The following EXOC3L2 variants were observed in gnomAD, a reference collection of about 807,000 sequenced individuals.
EXOC3L2 encodes exocyst complex component 3 like 2.
A neutral mutation model predicts 44.4 loss-of-function variants in EXOC3L2; 17 were observed. The observed-to-expected ratio is 0.38, with a 90% CI of 0.26 to 0.57. The LOEUF (loss-of-function observed/expected upper bound fraction) is 0.57, where lower values mean the gene tolerates loss of function less well. Among genes scored for constraint, EXOC3L2 ranks in the 20% least tolerant of loss-of-function variants. The pLI, the probability that EXOC3L2 is intolerant of heterozygous loss-of-function variation, is 0.65. For synonymous variants in EXOC3L2, 256 were observed against 253.7 expected, an observed-to-expected ratio of 1.01 and a Z score of -0.09; for missense variants, 541 against 588.4, an observed-to-expected ratio of 0.92 and a Z score of 0.83.
At chr19:45,225,108 G>A (rs949316321) in intron 7 of EXOC3L2, among the ~76,000 whole-genome samples, 195 bp from the exon 8 acceptor site, 4 of 151,164 alleles carry the variant, frequency 2.6e-5, no homozygotes, top group Non-Finnish European at 5.9e-5. Flanking sequence ...GGGGTGTCTG[G>A]GGACGTCAGG....
intron 7 of EXOC3L2, among the ~76,000 whole-genome samples, chr19:45,226,765 T>TTTTTTA (rs1969966335): frequency 7.1e-6 from 1 of 139,978 alleles, no homozygotes; most frequent in African/African-American, 2.8e-5. Context: ...TTTTTTTTTT[T>TTTTTTA]TTTTTGAGAC....
rs1204520736 is a variant in EXOC3L2 at position 45,238,466 on chromosome 19, G to A, written c.523+57C>T. On this transcript the variant is annotated intron_variant, in intron 2 of 11. Transcript: ENST00000413988. This position sits in a 1 kb window ranked among gnomAD's most constrained non-coding sequence, Gnocchi z 5.5. ...TATGAAGCCTGGGACCACCAGGGCTGGGGATGGACATGGGCACTGGGATTC... is the reference window on the plus strand; with the variant it reads ...TATGAAGCCTGGGACCACCAGGGCTAGGGATGGACATGGGCACTGGGATTC... 6 of 399,430 alleles carry A rather than the reference G, an allele frequency of 1.5e-5. No homozygotes were observed. Among genetic ancestry groups the A allele is most frequent in the Admixed American group, 4.4e-5 (1 of 22,716 alleles). 24.7% of individuals were successfully genotyped at this position (399,430 alleles called of 1,614,324 possible).
intron 11 of EXOC3L2, among the ~76,000 whole-genome samples, chr19:45,214,656 T>C (rs998239617): frequency 6.6e-6 from 1 of 151,294 alleles, no homozygotes; most frequent in Non-Finnish European, 1.5e-5. Flanking sequence ...GTAGAGACGG[T>C]GTTTCACCAT....
intron 3 of EXOC3L2, among the ~76,000 whole-genome samples, chr19:45,233,848 G>A (rs1011330196): frequency 4.6e-5 from 7 of 152,262 alleles, no homozygotes; most frequent in African/African-American, 1.7e-4. Flanking sequence ...AGGACTAGAG[G>A]AATCAATGGT....
chr19:45,228,944 G>A (rs1012451901), intron 4 of EXOC3L2, among the ~76,000 whole-genome samples: 1 of 151,600 alleles, frequency 6.6e-6, no homozygotes, highest in African/African-American at 2.4e-5. Flanking sequence ...GGTGGTGGGC[G>A]CCTGTAGTCC....
intron 4 of EXOC3L2, among the ~76,000 whole-genome samples, chr19:45,231,055 C>CTCCA (rs541893948): frequency 1.3e-4 from 20 of 152,090 alleles, no homozygotes; most frequent in Non-Finnish European, 2.5e-4. Context: ...TGCCACTGCA[C>CTCCA]TCCAGCCTGG....
Position 45,212,970 on chromosome 19 carries a change from G to C in EXOC3L2, c.*99C>G. Reference sequence around the variant, plus strand: ...ATCTAAGGGTCTTTCTATCCCAGGGGTGTGTGGTCCCAGGCAGGGAGTCAG... The same window carrying C: ...ATCTAAGGGTCTTTCTATCCCAGGGCTGTGTGGTCCCAGGCAGGGAGTCAG... On this transcript the variant is annotated 3_prime_UTR_variant, in exon 12 of 12. Coordinates refer to ENST00000413988, the MANE Select transcript of EXOC3L2 (RefSeq NM_001382422.1). The C allele has an allele frequency of 7.7e-7, 1 of 1,293,404 alleles. No individual in the cohort carries two copies. The allele number at this position is 1,293,404 out of a possible 1,614,324, so 80.1% of individuals were successfully genotyped here. A position where few individuals can be genotyped will look rare whatever the true frequency, so the allele number is the denominator to read the frequency against.
At chr19:45,223,152 G>A (rs1041167459) in intron 8 of EXOC3L2, among the ~76,000 whole-genome samples, 2 of 152,086 alleles carry the variant, frequency 1.3e-5, no homozygotes, top group African/African-American at 4.8e-5. Flanking sequence ...CACTTTGGGA[G>A]GCCAAGGTGG....
rs548713519 is a variant in EXOC3L2, at chr19:45,234,810, G to T, written c.540C>A (p.Ser180Arg). ...KEPLSVLEIL[S>R]LIQQRELARA... ...GCGCTAGTTCGCGCTGCTGGATCAGGCTCAGGATCTCCAGCACTGCGGGAG... is the reference window on the plus strand; with the variant it reads ...GCGCTAGTTCGCGCTGCTGGATCAGTCTCAGGATCTCCAGCACTGCGGGAG... The change falls in exon 3 of 12, where the codon AGC becomes AGA. Residue 180 changes from serine to arginine, a missense_variant. Ser to Arg is a moderately radical substitution (Grantham distance 110). Transcript: ENST00000413988. The surrounding 1 kb of genome is among the most constrained non-coding windows in gnomAD (Gnocchi z 5.0). 5 of 395,090 alleles carry T rather than the reference G, an allele frequency of 1.3e-5. No individual in the cohort carries two copies. Among genetic ancestry groups the T allele is most frequent in the African/African-American group, 1.0e-4 (5 of 48,454 alleles). 24.5% of individuals were successfully genotyped at this position (395,090 alleles called of 1,614,324 possible).
At chr19:45,220,932 G>A (rs911783705) in intron 8 of EXOC3L2, among the ~76,000 whole-genome samples, 18 of 151,898 alleles carry the variant, frequency 1.2e-4, no homozygotes, top group African/African-American at 4.4e-4. Flanking sequence ...AGAATTCATA[G>A]GATGAAGTGA....
chr19:45,218,169 C>A, intron 9 of EXOC3L2, 28 bp downstream of exon 9: 2 of 1,332,552 alleles, frequency 1.5e-6, no homozygotes, highest in East Asian at 2.7e-5. Flanking sequence ...CCCCCACCCC[C>A]ACCTCCCCTC....
chr19:45,234,641 C>T lies in EXOC3L2; in HGVS notation c.709G>A (p.Glu237Lys), dbSNP rs1486996913. The part of the protein sequence containing the change: ...VALLYEALQR[E>K]LWALVRETLA... Reference sequence around the variant, plus strand: ...GTCTCGCGCACCAGCGCCCACAGCTCGCGCTGCAGGGCCTCGTACAGCAGC... The same window carrying T: ...GTCTCGCGCACCAGCGCCCACAGCTTGCGCTGCAGGGCCTCGTACAGCAGC... The change falls in exon 3 of 12, where the codon GAG becomes AAG. Residue 237 changes from glutamate (E) to lysine (K), a missense_variant. By Grantham distance (56) the Glu-to-Lys change is moderately conservative. Coordinates refer to ENST00000413988, the MANE Select transcript of EXOC3L2 (RefSeq NM_001382422.1). This position sits in a 1 kb window ranked among gnomAD's most constrained non-coding sequence, Gnocchi z 5.0. The T allele has an allele frequency of 5.6e-6, 2 of 356,226 alleles. No homozygotes were observed. Among genetic ancestry groups the T allele is most frequent in the Non-Finnish European group, 1.0e-5 (2 of 198,788 alleles). The allele number at this position is 356,226 out of a possible 1,614,324, so 22.1% of individuals were successfully genotyped here.
chr19:45,241,493 A>G (rs1045618359), intron 1 of EXOC3L2, among the ~76,000 whole-genome samples: 116 of 151,014 alleles, frequency 7.7e-4, no homozygotes, highest in Admixed American at 3.2e-3. Flanking sequence ...AAAAAAAAAA[A>G]AAAGAAAAGA....
chr19:45,219,438 C>T (rs1380848059), intron 8 of EXOC3L2, among the ~76,000 whole-genome samples: 1 of 137,550 alleles, frequency 7.3e-6, no homozygotes, highest in Non-Finnish European at 1.6e-5. Flanking sequence ...AACTTTAAGA[C>T]ATATTTTTAA....
chr19:45,218,097 C>T lies in EXOC3L2; in HGVS notation c.1842+100G>A. The T allele has an allele frequency of 4.3e-6, 6 of 1,406,120 alleles. No individual in the cohort carries two copies. The South Asian group carries it at 5.9e-5, about 14-fold the overall frequency. The allele number at this position is 1,406,120 out of a possible 1,614,324, so 87.1% of individuals were successfully genotyped here. On this transcript the variant is annotated intron_variant, in intron 9 of 11. Coordinates refer to ENST00000413988, the MANE Select transcript of EXOC3L2 (RefSeq NM_001382422.1). ...TTTCCTCCAGCAGGAGCGTTCTTGG[C>T]TCTCCCAACCTCCCAATCTCCCCTC...
intron 4 of EXOC3L2, among the ~76,000 whole-genome samples, chr19:45,228,854 G>A (rs990017446): frequency 1.3e-5 from 2 of 150,702 alleles, no homozygotes; most frequent in African/African-American, 4.9e-5. Flanking sequence ...GGTGGATCAC[G>A]AGGTCAGGAG....
chr19:45,240,636 C>T (rs899988583), intron 1 of EXOC3L2, among the ~76,000 whole-genome samples: 1 of 152,174 alleles, frequency 6.6e-6, no homozygotes, highest in African/African-American at 2.4e-5. Context: ...TCGCTCATGC[C>T]TGTAATCCCA....
intron 2 of EXOC3L2, among the ~76,000 whole-genome samples, chr19:45,237,521 C>T (rs1970094332): frequency 1.3e-5 from 2 of 151,848 alleles, no homozygotes; most frequent in South Asian, 2.1e-4. Flanking sequence ...AACTAGATGG[C>T]ATTTGGAGGA....
In EXOC3L2 at chr19:45,217,585, G is replaced by A; in HGVS notation, c.1941C>T (p.Arg647=). 3.2e-6 allele frequency: 5 copies of A among 1,540,826 alleles called. No homozygotes were observed. Among genetic ancestry groups the A allele is most frequent in the Non-Finnish European group, 4.3e-6 (5 of 1,150,400 alleles). The change falls in exon 10 of 12, where the codon CGC becomes CGT. Residue 647 remains arginine (R), a synonymous_variant. Coordinates refer to ENST00000413988, the MANE Select transcript of EXOC3L2 (RefSeq NM_001382422.1). ...CGTCCTCCCGGAGCCTGCCGGCCAC[G>A]CGGCTGCGGGTCCGCGCCGAGCTGC... is the stretch of plus-strand genomic sequence containing the variant. ...LRCSSARTRS[R]VAGRLREDAA...
Sources: gnomAD v4.1 joint callset for allele counts (sites outside exome capture counted in the v4.1 genomes callset) on GRCh38, gnomAD v4.1.1 for gene constraint, Gnocchi (gnomAD v3.1) non-coding constraint, MANE v1.5 for transcripts, NCBI Gene and HGNC (gene_info 2026-07-23, HGNC 2026-07-21) for gene names.